The following CUZD1 variants were observed in gnomAD, a reference collection of about 807,000 sequenced individuals.
The protein encoded by CUZD1 is CUB and zona pellucida-like domain-containing protein 1.
Under a neutral mutation model 53.1 loss-of-function variants are expected in CUZD1, and 42 were observed. The ratio of observed to expected loss-of-function variants is 0.79; its 90% confidence interval spans 0.62 to 1.02. The LOEUF (loss-of-function observed/expected upper bound fraction) is 1.02, where lower values mean the gene tolerates loss of function less well. CUZD1 is among the 50% of genes least tolerant of loss of function. The pLI is 0.00. For missense variants in CUZD1, 670 were observed against 715.7 expected (o/e 0.94, Z 0.73); for synonymous variants, 238 against 257.2 (o/e 0.93, Z 0.71).
At chr10:122,845,168 T>C (rs1385545504) in intron 1 of CUZD1, among the ~76,000 whole-genome samples, 2 of 150,042 alleles carry the variant, frequency 1.3e-5, no homozygotes, top group Non-Finnish European at 3.0e-5. Context: ...CCTCCACCTC[T>C]CGGGTTCAAG....
chr10:122,836,753 T>C, intron 5 of CUZD1, 78 bp downstream of exon 5: 2 of 1,127,008 alleles, frequency 1.8e-6, no homozygotes, highest in Non-Finnish European at 1.3e-6. Context: ...TAGCCACAGG[T>C]AGGCTAAAAA....
At chr10:122,835,308 A>G (rs1847231933) in intron 6 of CUZD1, among the ~76,000 whole-genome samples, 1 of 152,228 alleles carries the variant, frequency 6.6e-6, no homozygotes, top group Non-Finnish European at 1.5e-5. Context: ...CTTGTATTAG[A>G]AAGACCTGAA....
intron 2 of CUZD1, among the ~76,000 whole-genome samples, chr10:122,840,729 T>C (rs1054789588): frequency 1.3e-5 from 2 of 152,132 alleles, no homozygotes; most frequent in Non-Finnish European, 2.9e-5. Flanking sequence ...ATGCCTGGAG[T>C]CTACCCCCAG....
chr10:122,841,047 C>G, intron 2 of CUZD1, 131 bp downstream of exon 2: 1 of 829,010 alleles, frequency 1.2e-6, no homozygotes, highest in Non-Finnish European at 1.9e-6. Flanking sequence ...TCACCATCAT[C>G]ATCACGATGG....
At position 122,836,222 on chromosome 10, in the gene CUZD1, C is replaced by A. The variant is rs750310557; in HGVS notation, c.946G>T (p.Val316Leu). The A allele has an allele frequency of 3.1e-6, 5 of 1,610,632 alleles. No individual in the cohort carries two copies. The Admixed American group carries it at 8.4e-5, about 27-fold the overall frequency. The change falls in exon 6 of 9, where the codon GTG becomes TTG. Residue 316 changes from valine (V) to leucine (L), a missense_variant. Coordinates refer to ENST00000392790, the MANE Select transcript of CUZD1 (RefSeq NM_022034.6). ...PTCRPKLSNV[V>L]EFSVPLNGCG... ...CCATTAAGAGGGACAGAAAATTCCA[C>A]AACATTTGATAATTTTGGTCTGCAA...
chr10:122,839,336 C>A, intron 2 of CUZD1, 105 bp from the exon 3 acceptor site: 2 of 936,016 alleles, frequency 2.1e-6, no homozygotes, highest in South Asian at 3.1e-5. Context: ...AGTGGTGGCA[C>A]ATCTGTTTTC....
rs1464905900 is a variant in CUZD1, at chr10:122,837,056, A to T, written c.600-8T>A. ...TGTTTGTCTATTTCTAGGCTAGAGAATGAGGGCCTCTGGTGAAAAAGAGTT... is the reference window on the plus strand; with the variant it reads ...TGTTTGTCTATTTCTAGGCTAGAGATTGAGGGCCTCTGGTGAAAAAGAGTT... On this transcript the variant is annotated splice_polypyrimidine_tract_variant and splice_region_variant and intron_variant, in intron 4 of 8. Transcript: ENST00000392790. 6.3e-7 allele frequency: 1 copy of T among 1,578,750 alleles called. No homozygotes were observed. Among genetic ancestry groups the T allele is most frequent in the East Asian group, 2.3e-5 (1 of 44,390 alleles).
In CUZD1 at chr10:122,835,065, T is replaced by C. The variant is rs1270259634; in HGVS notation, c.1023A>G (p.Ile341Met). 1.3e-6 allele frequency: 2 copies of C among 1,598,254 alleles called. No homozygotes were observed. Among genetic ancestry groups the C allele is most frequent in the Non-Finnish European group, 1.7e-6 (2 of 1,172,370 alleles). ...VEDQSITYTNIITFSASSTSE... is the reference protein window; with the variant it reads ...VEDQSITYTNMITFSASSTSE... ...AAGTTGAGGATGCAGAAAAGGTGATTATATTGGTGTAAGTAATTGACTGAT... is the reference window on the plus strand; with the variant it reads ...AAGTTGAGGATGCAGAAAAGGTGATCATATTGGTGTAAGTAATTGACTGAT... The change falls in exon 7 of 9, where the codon ATA (isoleucine) becomes ATG (methionine). Residue 341 changes from isoleucine (I) to methionine (M), a missense_variant. Transcript: ENST00000392790.
intron 2 of CUZD1, 136 bp from the exon 3 acceptor site, chr10:122,839,367 A>G: frequency 1.4e-6 from 1 of 692,618 alleles, no homozygotes; most frequent in Middle Eastern, 3.9e-4. Flanking sequence ...CTCCAAGACC[A>G]ATCACCAACC....
chr10:122,844,576 C>T lies in CUZD1; in HGVS notation c.82+1186G>A, dbSNP rs191571030. On this transcript the variant is annotated intron_variant, in intron 1 of 8. Coordinates refer to ENST00000392790, the MANE Select transcript of CUZD1 (RefSeq NM_022034.6). ...AGATAAGCTGTTAGCAGTGAAATTA[C>T]CCGGTAAGGGGCTGGGCGTGGTGAC... Among the ~76,000 whole-genome samples, 292 of 152,140 alleles carry T rather than the reference C, an allele frequency of 1.9e-3. 6 individuals are homozygous for T. Among genetic ancestry groups the T allele is most frequent in the African/African-American group, 6.8e-3 (283 of 41,500 alleles).
At chr10:122,841,708 G>A (rs1847348173) in intron 1 of CUZD1, among the ~76,000 whole-genome samples, 1 of 152,166 alleles carries the variant, frequency 6.6e-6, no homozygotes, top group South Asian at 2.1e-4. Context: ...CAGAGTAGCT[G>A]TTCTATTTCA....
intron 5 of CUZD1, 114 bp downstream of exon 5, chr10:122,836,717 A>T: frequency 1.3e-6 from 1 of 758,098 alleles, no homozygotes; most frequent in Non-Finnish European, 2.2e-6. Flanking sequence ...GTTCCCAACT[A>T]CATGTGACAT....
intron 2 of CUZD1, 37 bp downstream of exon 2, chr10:122,841,141 C>T (rs1411960321): frequency 4.4e-6 from 7 of 1,582,034 alleles, no homozygotes; most frequent in East Asian, 2.2e-5. Flanking sequence ...GGTCAGAGTT[C>T]GATATCCCTT....
intron 1 of CUZD1, 150 bp downstream of exon 1, chr10:122,845,612 A>G (rs975814657): frequency 6.8e-6 from 4 of 588,166 alleles, no homozygotes; most frequent in Non-Finnish European, 8.9e-6. Flanking sequence ...TAAAATTAGA[A>G]CTAATTTAAA....
Position 122,840,995 on chromosome 10 carries a change from G to A in CUZD1, c.233+183C>T, listed in dbSNP as rs529332161. On this transcript the variant is annotated intron_variant, in intron 2 of 8. Coordinates refer to ENST00000392790, the MANE Select transcript of CUZD1 (RefSeq NM_022034.6). Reference sequence around the variant, plus strand: ...TGAAGGACCTCTGTGAGCCAGTGCCGGGCACACAGCCATCATCAGTGACTA... The same window carrying A: ...TGAAGGACCTCTGTGAGCCAGTGCCAGGCACACAGCCATCATCAGTGACTA... Among the ~76,000 whole-genome samples the A allele has an allele frequency of 1.7e-3, 258 of 152,136 alleles. 1 individual carries two copies. The highest frequency in any genetic ancestry group is 6.0e-3 in the African/African-American group (249 of 41,484).
At chr10:122,837,353 C>G in intron 4 of CUZD1, 51 bp downstream of exon 4, 1 of 1,592,206 alleles carries the variant, frequency 6.3e-7, no homozygotes, top group Non-Finnish European at 8.6e-7. Context: ...CCCCCAGTTG[C>G]CAGGTGGGTT....
chr10:122,834,300 C>T (rs1294420696), intron 7 of CUZD1, among the ~76,000 whole-genome samples: 2 of 152,144 alleles, frequency 1.3e-5, no homozygotes, highest in East Asian at 1.9e-4. Context: ...GAACGTTATA[C>T]TTTTTCTCTT....
rs61634361 is a variant in CUZD1, at chr10:122,843,810, C to CATATATATATATATATATAT, written c.82+1932_82+1951dup. On this transcript the variant is annotated intron_variant, in intron 1 of 8. Transcript: ENST00000392790. The stretch of plus-strand genomic sequence containing the variant: ...CTTTCTTCATACATATATATACATA[C>CATATATATATATATATATAT]ATATATATATATATATATATATGTC... Among the ~76,000 whole-genome samples, 286 of 137,288 alleles carry CATATATATATATATATATAT rather than the reference C, an allele frequency of 2.1e-3. 1 individual carries two copies. The highest frequency in any genetic ancestry group is 7.0e-3 in the African/African-American group (254 of 36,204). The allele number at this position is 137,288 out of a possible 152,430, so 90.1% of individuals were successfully genotyped here. A position where few individuals can be genotyped will look rare whatever the true frequency, so the allele number is the denominator to read the frequency against.
chr10:122,838,949 C>G (rs975726316), intron 3 of CUZD1, 68 bp downstream of exon 3: 1 of 1,214,520 alleles, frequency 8.2e-7, no homozygotes, highest in African/African-American at 1.5e-5. Context: ...TATAAGAACC[C>G]GGACAGAAGA....
Sources: allele counts gnomAD v4.1 joint callset (sites outside exome capture counted in the v4.1 genomes callset), GRCh38; gene constraint gnomAD v4.1.1; transcripts MANE v1.5; gene names NCBI Gene and HGNC (gene_info 2026-07-23, HGNC 2026-07-21).